AGBL1: variants seen among roughly 807,000 people sequenced by gnomAD.
The protein encoded by AGBL1 is cytosolic carboxypeptidase 4.
AGBL1 carries 130 observed loss-of-function variants against 118.9 expected under a neutral mutation model. That is an observed-to-expected ratio of 1.09 (90% CI 0.95 to 1.26). The LOEUF is 1.26. Ranked by LOEUF, AGBL1 falls within the 50% of genes most tolerant of loss-of-function variation. The pLI is 0.00. For missense variants in AGBL1, 1,584 were observed against 1,298.1 expected (o/e 1.22, Z -3.38); for synonymous variants, 555 against 478.9 (o/e 1.16, Z -2.08).
intron 23 of AGBL1, among the ~76,000 whole-genome samples, chr15:86,962,818 G>A (rs964602748): frequency 2.0e-5 from 3 of 152,042 alleles, no homozygotes; most frequent in African/African-American, 7.2e-5. Flanking sequence ...CAGAGCTATT[G>A]AATGAGAATC....
intron 5 of AGBL1, among the ~76,000 whole-genome samples, chr15:86,167,912 T>C (rs978633100): frequency 2.6e-5 from 4 of 152,198 alleles, no homozygotes; most frequent in African/African-American, 7.2e-5. Context: ...ACAAAGCTAA[T>C]GAGAAAAATG....
intron 24 of AGBL1, among the ~76,000 whole-genome samples, chr15:87,009,674 G>A (rs1337559533): frequency 1.3e-5 from 2 of 152,182 alleles, no homozygotes; most frequent in African/African-American, 2.4e-5. Context: ...TGGGAGGGAG[G>A]CTCTACCCTG....
At chr15:86,541,596 A>C (rs2083496030) in intron 19 of AGBL1, among the ~76,000 whole-genome samples, 1 of 37,736 alleles carries the variant, frequency 2.6e-5, no homozygotes, top group African/African-American at 9.0e-5. Flanking sequence ...TATGTCTCAA[A>C]AAAAAAAAAA....
chr15:86,620,372 C>A (rs560225125), intron 21 of AGBL1, among the ~76,000 whole-genome samples: 29 of 152,280 alleles, frequency 1.9e-4, no homozygotes, highest in African/African-American at 7.0e-4. Flanking sequence ...CATAGAGAAG[C>A]AATAAACTTC....
At chr15:86,155,792 A>G (rs1448362062) in intron 4 of AGBL1, among the ~76,000 whole-genome samples, 1 of 152,168 alleles carries the variant, frequency 6.6e-6, no homozygotes, top group East Asian at 1.9e-4. Context: ...CCTCAGTTTC[A>G]TCCTTTACAA....
chr15:86,150,091 C>T (rs1411618993), intron 3 of AGBL1, among the ~76,000 whole-genome samples: 3 of 152,190 alleles, frequency 2.0e-5, no homozygotes, highest in Non-Finnish European at 4.4e-5. Flanking sequence ...AGAAAAAAGA[C>T]ACAATGTACC....
At chr15:86,964,637 C>T (rs536042789) in intron 23 of AGBL1, among the ~76,000 whole-genome samples, 1 of 143,820 alleles carries the variant, frequency 7.0e-6, no homozygotes, top group South Asian at 2.2e-4. Context: ...AAATAGAAAT[C>T]TTTTTTTTTT....
intron 18 of AGBL1, among the ~76,000 whole-genome samples, chr15:86,460,126 G>A (rs560645354): frequency 2.6e-5 from 4 of 151,624 alleles, no homozygotes; most frequent in Non-Finnish European, 4.4e-5. Flanking sequence ...TTGGTCTCCT[G>A]GTCTTAGGTG....
In AGBL1 at chr15:86,750,318, G is replaced by T. The variant is rs139012039; in HGVS notation, c.3158+75882G>T. Among the ~76,000 whole-genome samples, 1,423 of 152,008 alleles carry T rather than the reference G, an allele frequency of 9.4e-3. 9 individuals are homozygous for T. Among genetic ancestry groups the T allele is most frequent in the Non-Finnish European group, 0.014 (962 of 67,890 alleles). On this transcript the variant is annotated intron_variant, in intron 22 of 22. Transcript: ENST00000614907. The stretch of plus-strand genomic sequence containing the variant: ...TAATTTTACATATTTATGGGGTACA[G>T]ATTGGTATTTCAATACCTGTATACA...
At chr15:86,395,589 T>C (rs961332342) in intron 17 of AGBL1, among the ~76,000 whole-genome samples, 41 of 152,246 alleles carry the variant, frequency 2.7e-4, no homozygotes, top group African/African-American at 9.6e-4. Context: ...GTTCTTGGAA[T>C]ATGCTCAAGA....
At chr15:86,750,648 A>G (rs956098619) in intron 22 of AGBL1, among the ~76,000 whole-genome samples, 4 of 151,722 alleles carry the variant, frequency 2.6e-5, no homozygotes, top group Non-Finnish European at 4.4e-5. Flanking sequence ...TTATTTTTTA[A>G]TTTTTTTAAA....
intron 21 of AGBL1, among the ~76,000 whole-genome samples, chr15:86,591,799 C>G (rs1039841241): frequency 2.0e-5 from 3 of 152,078 alleles, no homozygotes; most frequent in African/African-American, 7.2e-5. Context: ...TAACCTTTAG[C>G]CCCTCTCCTC....
intron 5 of AGBL1, among the ~76,000 whole-genome samples, chr15:86,208,014 T>G (rs980910015): frequency 2.3e-4 from 35 of 152,094 alleles, no homozygotes; most frequent in Admixed American, 7.9e-4. Context: ...TTGAGAGTTT[T>G]TTTTTTTAGC....
At chr15:86,288,598 T>G (rs2079492582) in intron 16 of AGBL1, among the ~76,000 whole-genome samples, 1 of 152,126 alleles carries the variant, frequency 6.6e-6, no homozygotes, top group Non-Finnish European at 1.5e-5. Context: ...TCTGCTTTTT[T>G]GGGGGAATAA....
intron 24 of AGBL1, among the ~76,000 whole-genome samples, chr15:87,020,881 C>T (rs1039158243): frequency 1.5e-4 from 23 of 152,000 alleles, no homozygotes; most frequent in Admixed American, 1.4e-3. Context: ...ATTCCATGCT[C>T]ATGGATAAGA....
At chr15:86,191,640 C>G (rs2077723465) in intron 5 of AGBL1, among the ~76,000 whole-genome samples, 1 of 152,058 alleles carries the variant, frequency 6.6e-6, no homozygotes, top group African/African-American at 2.4e-5. Context: ...TGACAGAAAA[C>G]TCTACCAGAG....
At chr15:86,864,275 T>A (rs777472466) in intron 22 of AGBL1, among the ~76,000 whole-genome samples, 2 of 152,158 alleles carry the variant, frequency 1.3e-5, no homozygotes, top group Non-Finnish European at 2.9e-5. Context: ...TAAACAGCAC[T>A]CTGATTTCTA....
intron 17 of AGBL1, among the ~76,000 whole-genome samples, chr15:86,375,214 A>C (rs77006601): frequency 0.033 from 5,070 of 152,296 alleles, 115 homozygotes; most frequent in Non-Finnish European, 0.054. Context: ...TATAAAGAAA[A>C]GAGGTTTAAT....
At chr15:86,629,595 G>A (rs1038192343) in intron 21 of AGBL1, among the ~76,000 whole-genome samples, 1 of 152,186 alleles carries the variant, frequency 6.6e-6, no homozygotes, top group Non-Finnish European at 1.5e-5. Flanking sequence ...AAATGGAGAT[G>A]AGGTTGCAGC....
Sources: allele counts gnomAD v4.1 joint callset (sites outside exome capture counted in the v4.1 genomes callset), GRCh38; gene constraint gnomAD v4.1.1; transcripts MANE v1.5; gene names NCBI Gene and HGNC (gene_info 2026-07-23, HGNC 2026-07-21).